Variants in ELF5 observed in about 807,000 individuals in gnomAD.
ELF5 encodes the protein E74 like ETS transcription factor 5.
In ELF5, 31 loss-of-function variants were observed where a neutral mutation model predicts 38.2. The ratio of observed to expected loss-of-function variants is 0.81; its 90% CI spans 0.61 to 1.10. ELF5 has a LOEUF of 1.10. ELF5 is among the 50% of genes least tolerant of loss of function. The probability of loss-of-function intolerance (pLI) is 0.00; values close to 1 mark genes in which losing one functional copy is unlikely to be tolerated. For missense variants in ELF5, 300 were observed against 306.6 expected (o/e 0.98, Z 0.16); for synonymous variants, 121 against 112.5 (o/e 1.08, Z -0.48).
At chr11:34,493,356 T>A in intron 3 of ELF5, 123 bp downstream of exon 3, 1 of 911,582 alleles carries the variant, frequency 1.1e-6, no homozygotes, top group Non-Finnish European at 1.7e-6. Context: ...AAGGTTTGGA[T>A]TAACGAGAAC....
intron 2 of ELF5, among the ~76,000 whole-genome samples, chr11:34,494,070 C>T (rs898707530): frequency 7.2e-5 from 11 of 152,222 alleles, no homozygotes; most frequent in African/African-American, 2.7e-4. Context: ...AGCTGTTTGA[C>T]AAGCTGGGTT....
At chr11:34,502,678 T>C (rs1408840118) in intron 2 of ELF5, among the ~76,000 whole-genome samples, 1 of 152,216 alleles carries the variant, frequency 6.6e-6, no homozygotes, top group Non-Finnish European at 1.5e-5. Context: ...GGCCGGTGGC[T>C]ACTTGAAAGC....
intron 1 of ELF5, among the ~76,000 whole-genome samples, chr11:34,507,426 C>T (rs148247019): frequency 5.1e-4 from 77 of 152,338 alleles, no homozygotes; most frequent in African/African-American, 1.7e-3. Flanking sequence ...GCAAAGCCAG[C>T]GAAGCTGGGT....
intron 3 of ELF5, among the ~76,000 whole-genome samples, chr11:34,490,986 A>G (rs1228705825): frequency 6.6e-6 from 1 of 152,112 alleles, no homozygotes; most frequent in Admixed American, 6.6e-5. Flanking sequence ...CCAGGTTGCT[A>G]GGCCCTTAAA....
Position 34,479,054 on chromosome 11 carries a change from A to C in ELF5, c.*1164T>G, listed in dbSNP as rs1590315608. ...ACTTACATACCAGTGATTGATGAGA[A>C]AATGTCAGTGCAGACTTTAACCTAT... On this transcript the variant is annotated 3_prime_UTR_variant, in exon 7 of 7. Coordinates refer to ENST00000257832, the MANE Select transcript of ELF5 (RefSeq NM_001422.4). The C allele has an allele frequency of 6.5e-6, 1 of 152,794 alleles. No individual in the cohort carries two copies. Among genetic ancestry groups the C allele is most frequent in the South Asian group, 2.1e-4 (1 of 4,824 alleles). 9.5% of individuals were successfully genotyped at this position (152,794 alleles called of 1,614,324 possible). A position where few individuals can be genotyped will look rare whatever the true frequency, so the allele number is the denominator to read the frequency against.
intron 3 of ELF5, 60 bp from the exon 4 acceptor site, chr11:34,490,119 G>A: frequency 6.3e-7 from 1 of 1,577,228 alleles, no homozygotes. Context: ...CACTGGCCAG[G>A]CCAGGAGAGG....
At chr11:34,492,944 CT>C (rs1850213394) in intron 3 of ELF5, 1 of 171,222 alleles carries the variant, frequency 5.8e-6, no homozygotes. Flanking sequence ...AAGAACCTTT[CT>C]GGATTGAAAA....
intron 1 of ELF5, among the ~76,000 whole-genome samples, chr11:34,509,357 G>A (rs951485043): frequency 5.3e-5 from 8 of 152,104 alleles, no homozygotes; most frequent in Non-Finnish European, 7.4e-5. Context: ...ACAAAAACGT[G>A]CATGAGAACT....
intron 2 of ELF5, among the ~76,000 whole-genome samples, chr11:34,502,944 T>C (rs1429627749): frequency 6.6e-6 from 1 of 152,214 alleles, no homozygotes; most frequent in Non-Finnish European, 1.5e-5. Context: ...TCTGAATGTC[T>C]AAGACTTGGT....
intron 3 of ELF5, among the ~76,000 whole-genome samples, chr11:34,491,131 A>G (rs1387578969): frequency 3.9e-5 from 6 of 152,182 alleles, no homozygotes; most frequent in Non-Finnish European, 8.8e-5. Flanking sequence ...TATAAGGCAT[A>G]CATGAGGTAA....
At chr11:34,503,477 A>G (rs1850523916) in intron 2 of ELF5, among the ~76,000 whole-genome samples, 1 of 108,688 alleles carries the variant, frequency 9.2e-6, no homozygotes, top group African/African-American at 3.6e-5. Flanking sequence ...TTTTTTTTTT[A>G]TCTCACTGTC....
rs1197945115 is a variant in ELF5 at position 34,479,157 on chromosome 11, G to A, written c.*1061C>T. The stretch of plus-strand genomic sequence containing the variant: ...GTTATAGCGCTTGAATACACATCAG[G>A]TAGAAAGACAAAACAAAAAAGACAC... On this transcript the variant is annotated 3_prime_UTR_variant, in exon 7 of 7. Coordinates refer to ENST00000257832, the MANE Select transcript of ELF5 (RefSeq NM_001422.4). 6.6e-6 allele frequency: 1 copy of A among 152,610 alleles called. No individual in the cohort carries two copies. The highest frequency in any genetic ancestry group is 1.5e-5 in the Non-Finnish European group (1 of 68,032). 9.5% of individuals were successfully genotyped at this position (152,610 alleles called of 1,614,324 possible).
At chr11:34,510,314 T>G (rs996712014) in intron 1 of ELF5, among the ~76,000 whole-genome samples, 1 of 151,714 alleles carries the variant, frequency 6.6e-6, no homozygotes, top group African/African-American at 2.4e-5. Flanking sequence ...AAAAGGTGTT[T>G]TTTTTTTTTT....
Position 34,479,234 on chromosome 11 carries a change from C to A in ELF5, c.*984G>T, listed in dbSNP as rs576373882. 2 of 152,548 alleles carry A rather than the reference C, an allele frequency of 1.3e-5. No homozygotes were observed. Among genetic ancestry groups the A allele is most frequent in the African/African-American group, 4.8e-5 (2 of 41,422 alleles). The allele number at this position is 152,548 out of a possible 1,614,324, so 9.4% of individuals were successfully genotyped here. A position where few individuals can be genotyped will look rare whatever the true frequency, so the allele number is the denominator to read the frequency against. On this transcript the variant is annotated 3_prime_UTR_variant, in exon 7 of 7. Transcript: ENST00000257832. Reference sequence around the variant, plus strand: ...GTTAGGACATTTCCGGTTTTATAAACGTTTAACATCTGGACCTGAGATGGA... The same window carrying A: ...GTTAGGACATTTCCGGTTTTATAAAAGTTTAACATCTGGACCTGAGATGGA...
chr11:34,492,678 G>A (rs1850206861), intron 3 of ELF5: 1 of 152,222 alleles, frequency 6.6e-6, no homozygotes, highest in Admixed American at 6.5e-5. Context: ...GCCCATGGAG[G>A]TGTCATTATC....
intron 4 of ELF5, among the ~76,000 whole-genome samples, chr11:34,484,674 C>T (rs1228293660): frequency 6.6e-6 from 1 of 152,150 alleles, no homozygotes; most frequent in East Asian, 1.9e-4. Flanking sequence ...ACCTCGCCAG[C>T]TGAACATCCT....
Position 34,505,040 on chromosome 11 carries a change from T to C in ELF5, c.121+589A>G, listed in dbSNP as rs114508821. Among the ~76,000 whole-genome samples the C allele has an allele frequency of 1.3e-3, 203 of 152,322 alleles. 2 individuals carry two copies. Among genetic ancestry groups the C allele is most frequent in the African/African-American group, 4.8e-3 (200 of 41,566 alleles). Reference sequence around the variant, plus strand: ...CTCAGAGAATAATGATATATTAATATCAATAACCACAGTGTGATATCAATT... The same window carrying C: ...CTCAGAGAATAATGATATATTAATACCAATAACCACAGTGTGATATCAATT... On this transcript the variant is annotated intron_variant, in intron 2 of 6. Transcript: ENST00000257832.
chr11:34,511,477 A>G, intron 1 of ELF5: 1 of 1,607,922 alleles, frequency 6.2e-7, no homozygotes, highest in Non-Finnish European at 8.5e-7. Context: ...AAGCTCAAGA[A>G]TGATTAACAC....
intron 4 of ELF5, among the ~76,000 whole-genome samples, chr11:34,486,552 G>C (rs563848326): frequency 6.6e-6 from 1 of 152,370 alleles, no homozygotes; most frequent in African/African-American, 2.4e-5. Context: ...ATGGGAACAT[G>C]TGTGCCTATG....
Sources: gnomAD v4.1 joint callset for allele counts (sites outside exome capture counted in the v4.1 genomes callset) on GRCh38, gnomAD v4.1.1 for gene constraint, MANE v1.5 for transcripts, NCBI Gene and HGNC (gene_info 2026-07-23, HGNC 2026-07-21) for gene names.